ETNK1: variants seen among roughly 807,000 people sequenced by gnomAD.
ETNK1 encodes the protein putative protein product of Nbla10396.
ETNK1 carries 8 observed loss-of-function variants against 45.1 expected under a neutral mutation model. The ratio of observed to expected loss-of-function variants is 0.18; its 90% confidence interval spans 0.10 to 0.32. ETNK1 has a LOEUF of 0.32. Among genes scored for constraint, ETNK1 ranks in the 10% least tolerant of loss-of-function variants. The pLI is 1.00. For missense variants in ETNK1, 302 were observed against 430.6 expected, an observed-to-expected ratio of 0.70 and a Z score of 2.64; for synonymous variants, 152 against 151.9, an observed-to-expected ratio of 1.00 and a Z score of -0.01.
At position 22,673,792 on chromosome 12, in the gene ETNK1, C is replaced by T. The variant is rs952165267; in HGVS notation, c.945+132C>T. The T allele has an allele frequency of 1.1e-5, 10 of 908,616 alleles. No homozygotes were observed. In the Middle Eastern group the frequency reaches 1.1e-3, roughly 96 times the overall value. 56.3% of individuals were successfully genotyped at this position (908,616 alleles called of 1,614,324 possible). On this transcript the variant is annotated intron_variant, in intron 6 of 7. Transcript: ENST00000266517. ...TGTTCAAAATAATGTAAATACATGA[C>T]CATTTACAGTATGCATTACCCCATT... is the stretch of plus-strand genomic sequence containing the variant.
intron 2 of ETNK1, among the ~76,000 whole-genome samples, chr12:22,653,208 T>G (rs1159194566): frequency 6.6e-6 from 1 of 152,144 alleles, no homozygotes; most frequent in Non-Finnish European, 1.5e-5. Context: ...TCTATTCCAT[T>G]TATCTGTATG....
At chr12:22,654,365 CT>C (rs1455491885) in intron 2 of ETNK1, among the ~76,000 whole-genome samples, 2 of 152,126 alleles carry the variant, frequency 1.3e-5, no homozygotes, top group African/African-American at 4.8e-5. Context: ...GATGATGTGG[CT>C]TTATTATCAA....
In ETNK1 at chr12:22,661,124, A is replaced by G; in HGVS notation, c.619A>G (p.Ile207Val). The G allele has an allele frequency of 6.2e-7, 1 of 1,612,674 alleles. No homozygotes were observed. The highest frequency in any genetic ancestry group is 8.5e-7 in the Non-Finnish European group (1 of 1,179,462). ...GGAAGAGATGACTTGGATGAAGGAG[A>G]TTCTTTCCAACCTGGGCTCACCTGT... is the stretch of plus-strand genomic sequence containing the variant. ...LQEEMTWMKE[I>V]LSNLGSPVVL... The change falls in exon 4 of 8, where the codon ATT becomes GTT. Residue 207 changes from isoleucine to valine, a missense_variant. By Grantham distance (29) the Ile-to-Val change is conservative (BLOSUM62 3). Coordinates refer to ENST00000266517, the MANE Select transcript of ETNK1 (RefSeq NM_018638.5).
chr12:22,674,413 T>C (rs749792135), intron 6 of ETNK1, among the ~76,000 whole-genome samples: 53 of 152,210 alleles, frequency 3.5e-4, no homozygotes, highest in Non-Finnish European at 3.8e-4. Context: ...TATATGGGTA[T>C]GCCATTTTTA....
intron 3 of ETNK1, among the ~76,000 whole-genome samples, chr12:22,660,165 C>T (rs1290298540): frequency 6.6e-6 from 1 of 151,594 alleles, no homozygotes; most frequent in South Asian, 2.1e-4. Flanking sequence ...AGGTAGAAAC[C>T]ACCTGAACAG....
intron 1 of ETNK1, among the ~76,000 whole-genome samples, chr12:22,640,051 A>G (rs557396484): frequency 8.5e-5 from 13 of 152,326 alleles, no homozygotes; most frequent in African/African-American, 3.1e-4. Context: ...AACTTCATCA[A>G]TATTAAGCAA....
intron 2 of ETNK1, chr12:22,644,452 T>A (rs1953781116): frequency 1.0e-6 from 1 of 958,952 alleles, no homozygotes; most frequent in South Asian, 4.9e-5. Flanking sequence ...TTTAATTTAA[T>A]ATATTATGTT....
chr12:22,632,684 G>A (rs1047246872), intron 1 of ETNK1, among the ~76,000 whole-genome samples: 16 of 151,848 alleles, frequency 1.1e-4, no homozygotes, highest in Non-Finnish European at 2.4e-4. Flanking sequence ...TAAATTTTTT[G>A]TAGTGATGTG....
At chr12:22,666,675 C>T (rs1303543663) in intron 4 of ETNK1, among the ~76,000 whole-genome samples, 2 of 152,114 alleles carry the variant, frequency 1.3e-5, no homozygotes, top group Non-Finnish European at 2.9e-5. Flanking sequence ...TTTATTTTCT[C>T]TGTCAGCACA....
At chr12:22,628,095 A>G (rs925126913) in intron 1 of ETNK1, among the ~76,000 whole-genome samples, 1 of 152,100 alleles carries the variant, frequency 6.6e-6, no homozygotes, top group Non-Finnish European at 1.5e-5. Context: ...ATCTAAAACA[A>G]CAATACAGCC....
At chr12:22,672,183 CTA>C (rs1954115711) in intron 5 of ETNK1, among the ~76,000 whole-genome samples, 2 of 151,926 alleles carry the variant, frequency 1.3e-5, no homozygotes, top group Non-Finnish European at 2.9e-5. Flanking sequence ...ATTTTTACCC[CTA>C]TTAATTTATA....
chr12:22,653,067 T>C (rs1350313910), intron 2 of ETNK1, among the ~76,000 whole-genome samples: 3 of 152,144 alleles, frequency 2.0e-5, no homozygotes, highest in East Asian at 3.9e-4. Context: ...TATCTAGTTT[T>C]CCCAGTACAT....
Position 22,686,407 on chromosome 12 carries a change from A to G in ETNK1, c.*1453A>G, listed in dbSNP as rs1954261024. On this transcript the variant is annotated 3_prime_UTR_variant, in exon 8 of 8. Coordinates refer to ENST00000266517, the MANE Select transcript of ETNK1 (RefSeq NM_018638.5). Reference sequence around the variant, plus strand: ...GGCTTACTGGATCTGCATATTCAAAATATGCAACTACAAATTTATCCTCTG... The same window carrying G: ...GGCTTACTGGATCTGCATATTCAAAGTATGCAACTACAAATTTATCCTCTG... 1 of 152,330 alleles carries G rather than the reference A, an allele frequency of 6.6e-6. No individual in the cohort carries two copies. The highest frequency in any genetic ancestry group is 2.4e-5 in the African/African-American group (1 of 41,424). The allele number at this position is 152,330 out of a possible 1,614,324, so 9.4% of individuals were successfully genotyped here. A position where few individuals can be genotyped will look rare whatever the true frequency, so the allele number is the denominator to read the frequency against.
chr12:22,650,200 T>C (rs1953857346), intron 2 of ETNK1, among the ~76,000 whole-genome samples: 1 of 152,046 alleles, frequency 6.6e-6, no homozygotes, highest in South Asian at 2.1e-4. Context: ...GTCCATTCTT[T>C]TGGATTTTCT....
chr12:22,632,074 G>A (rs1389948638), intron 1 of ETNK1, among the ~76,000 whole-genome samples: 1 of 106,668 alleles, frequency 9.4e-6, no homozygotes, highest in Non-Finnish European at 2.0e-5. Context: ...AATCTTAATA[G>A]CAGATTTTTT....
chr12:22,672,370 G>A (rs1457863166), intron 5 of ETNK1, among the ~76,000 whole-genome samples: 1 of 151,916 alleles, frequency 6.6e-6, no homozygotes. Flanking sequence ...ATTTGTGTAA[G>A]TTTATATATT....
In ETNK1 at chr12:22,690,377, GT is replaced by G. The variant is rs1027173236; in HGVS notation, c.*5425del. 1 of 152,392 alleles carries G rather than the reference GT, an allele frequency of 6.6e-6. No homozygotes were observed. The highest frequency in any genetic ancestry group is 2.4e-5 in the African/African-American group (1 of 41,394). The allele number at this position is 152,392 out of a possible 1,614,324, so 9.4% of individuals were successfully genotyped here. A position where few individuals can be genotyped will look rare whatever the true frequency, so the allele number is the denominator to read the frequency against. ...ATTTAAGTTTTACATTTTTACTACT[GT>G]TAATTTAAATAAAATTTGTTCTGTG... On this transcript the variant is annotated 3_prime_UTR_variant, in exon 8 of 8. Transcript: ENST00000266517.
At chr12:22,652,606 T>A (rs1953892681) in intron 2 of ETNK1, among the ~76,000 whole-genome samples, 1 of 152,200 alleles carries the variant, frequency 6.6e-6, no homozygotes, top group East Asian at 1.9e-4. Context: ...AGTAGTAATG[T>A]TGAACATATG....
chr12:22,669,539 T>G (rs1417479836), intron 4 of ETNK1, among the ~76,000 whole-genome samples: 1 of 152,202 alleles, frequency 6.6e-6, no homozygotes, highest in African/African-American at 2.4e-5. Flanking sequence ...ATGAGATTTC[T>G]TCATGGTTTT....
Sources: gnomAD v4.1 joint callset for allele counts (sites outside exome capture counted in the v4.1 genomes callset) on GRCh38, gnomAD v4.1.1 for gene constraint, MANE v1.5 for transcripts, NCBI Gene and HGNC (gene_info 2026-07-23, HGNC 2026-07-21) for gene names.